SLC16A10: variants seen among roughly 807,000 people sequenced by gnomAD.
SLC16A10 encodes monocarboxylate transporter 10.
In SLC16A10, 27 loss-of-function variants were observed where a neutral mutation model predicts 40.0. The observed-to-expected ratio is 0.67, with a 90% CI of 0.50 to 0.93. The LOEUF (loss-of-function observed/expected upper bound fraction) is 0.93. Ranked by LOEUF, SLC16A10 falls within the 40% of genes least tolerant of loss-of-function variation. SLC16A10 has a pLI of 0.00. For synonymous variants in SLC16A10, 213 were observed against 249.8 expected (o/e 0.85, Z 1.39); for missense variants, 529 against 658.2 (o/e 0.80, Z 2.15).
chr6:111,163,384 C>T (rs1316909903), intron 1 of SLC16A10, among the ~76,000 whole-genome samples: 1 of 151,738 alleles, frequency 6.6e-6, no homozygotes, highest in Non-Finnish European at 1.5e-5. Context: ...GATCTCCTGA[C>T]CTCGTGATCC....
At chr6:111,119,190 T>C (rs1016726815) in intron 1 of SLC16A10, among the ~76,000 whole-genome samples, 2 of 152,360 alleles carry the variant, frequency 1.3e-5, no homozygotes, top group East Asian at 1.9e-4. Context: ...ATAAATAGTA[T>C]TGCTTTTTAA....
At chr6:111,195,746 C>T (rs945003438) in intron 3 of SLC16A10, among the ~76,000 whole-genome samples, 4 of 152,074 alleles carry the variant, frequency 2.6e-5, no homozygotes, top group Non-Finnish European at 1.5e-5. Flanking sequence ...ATTTCTTTCC[C>T]TACCATGCCA....
chr6:111,106,781 G>C (rs1277130748), intron 1 of SLC16A10, among the ~76,000 whole-genome samples: 2 of 152,152 alleles, frequency 1.3e-5, no homozygotes, highest in Non-Finnish European at 2.9e-5. Flanking sequence ...TGATCATTCT[G>C]TAACTCTGGA....
intron 1 of SLC16A10, among the ~76,000 whole-genome samples, chr6:111,132,833 A>G (rs945218806): frequency 1.3e-5 from 2 of 152,204 alleles, no homozygotes; most frequent in African/African-American, 4.8e-5. Flanking sequence ...CACAATGGGT[A>G]TTTAGTAATT....
At chr6:111,101,490 T>C (rs1039721126) in intron 1 of SLC16A10, among the ~76,000 whole-genome samples, 6 of 152,158 alleles carry the variant, frequency 3.9e-5, no homozygotes, top group Non-Finnish European at 8.8e-5. Context: ...GCAAAATGTA[T>C]GGATAAGTGA....
intron 1 of SLC16A10, among the ~76,000 whole-genome samples, chr6:111,172,130 A>G (rs1045339374): frequency 1.3e-5 from 2 of 152,162 alleles, no homozygotes; most frequent in African/African-American, 4.8e-5. Flanking sequence ...TGTTTGATCC[A>G]TTTTCAAGAT....
Position 111,108,328 on chromosome 6 carries a change from A to C in SLC16A10, c.343+20233A>C, listed in dbSNP as rs568240859. The stretch of plus-strand genomic sequence containing the variant: ...AGCCACTGTGCCTGGCCTATCTTAC[A>C]GTCTTGATTTGGCTTTATCTGACTT... On this transcript the variant is annotated intron_variant, in intron 1 of 5. Transcript: ENST00000368851. Among the ~76,000 whole-genome samples, 61 of 152,228 alleles carry C rather than the reference A, an allele frequency of 4.0e-4. 1 individual carries two copies. The highest frequency in any genetic ancestry group is 1.4e-3 in the African/African-American group (58 of 41,554).
intron 1 of SLC16A10, among the ~76,000 whole-genome samples, chr6:111,144,140 A>G (rs1327394915): frequency 3.3e-5 from 5 of 152,036 alleles, no homozygotes; most frequent in Non-Finnish European, 2.9e-5. Flanking sequence ...TGAATCCAAA[A>G]CTGCTCTTAA....
intron 1 of SLC16A10, among the ~76,000 whole-genome samples, chr6:111,089,878 T>TTAAGTAGA (rs1442151607): frequency 6.7e-6 from 1 of 150,322 alleles, no homozygotes; most frequent in Non-Finnish European, 1.5e-5. Flanking sequence ...GCAAATTCAG[T>TTAAGTAGA]TAAGTAGATC....
At chr6:111,095,667 C>T (rs1025735182) in intron 1 of SLC16A10, among the ~76,000 whole-genome samples, 5 of 152,110 alleles carry the variant, frequency 3.3e-5, no homozygotes, top group African/African-American at 1.2e-4. Context: ...GTAATTGAAT[C>T]ATGGGGGCAG....
chr6:111,156,648 C>T (rs2114521844), intron 1 of SLC16A10, among the ~76,000 whole-genome samples: 1 of 152,038 alleles, frequency 6.6e-6, no homozygotes, highest in South Asian at 2.1e-4. Flanking sequence ...CAAGAGGAGA[C>T]TAAGGAGATA....
chr6:111,139,032 A>G (rs989401838), intron 1 of SLC16A10, among the ~76,000 whole-genome samples: 1 of 148,964 alleles, frequency 6.7e-6, no homozygotes, highest in Admixed American at 6.7e-5. Flanking sequence ...ACCTTCTGAG[A>G]TACTTTTCCC....
intron 3 of SLC16A10, among the ~76,000 whole-genome samples, chr6:111,192,153 A>G (rs1284174945): frequency 6.6e-6 from 1 of 152,088 alleles, no homozygotes; most frequent in Non-Finnish European, 1.5e-5. Flanking sequence ...GTTCTGTTGC[A>G]TCGTCAGGCT....
At chr6:111,161,072 A>T (rs1257186420) in intron 1 of SLC16A10, among the ~76,000 whole-genome samples, 1 of 151,766 alleles carries the variant, frequency 6.6e-6, no homozygotes, top group Non-Finnish European at 1.5e-5. Context: ...AAAATACAAA[A>T]ATTAGCAGGG....
Position 111,206,706 on chromosome 6 carries a change from G to T in SLC16A10, c.1057G>T (p.Val353Leu). 6.2e-7 allele frequency: 1 copy of T among 1,614,188 alleles called. No homozygotes were observed. Among genetic ancestry groups the T allele is most frequent in the Non-Finnish European group, 8.5e-7 (1 of 1,180,036 alleles). The change falls in exon 4 of 6, where the codon GTG (valine) becomes TTG (leucine). Residue 353 changes from valine to leucine, a missense_variant. Transcript: ENST00000368851. ...RLLFGRIADY[V>L]PGVKKVYLQV... ...GCTCTTTGGCCGGATTGCAGATTAT[G>T]TGCCTGGTGTGAAGAAGGTTTATCT...
At chr6:111,111,304 A>G (rs1468956057) in intron 1 of SLC16A10, among the ~76,000 whole-genome samples, 1 of 152,230 alleles carries the variant, frequency 6.6e-6, no homozygotes, top group Non-Finnish European at 1.5e-5. Flanking sequence ...TATATGTCAT[A>G]CATAACATAT....
intron 1 of SLC16A10, among the ~76,000 whole-genome samples, chr6:111,138,222 A>T (rs922379929): frequency 5.2e-5 from 8 of 152,382 alleles, no homozygotes; most frequent in African/African-American, 1.9e-4. Context: ...AATTCAGAAA[A>T]GTTATTACTT....
chr6:111,107,500 TGAAGAG>T (rs1285303150), intron 1 of SLC16A10, among the ~76,000 whole-genome samples: 8 of 152,170 alleles, frequency 5.3e-5, no homozygotes, highest in Non-Finnish European at 1.0e-4. Context: ...GAGATGATGT[TGAAGAG>T]GAAGCCCACA....
chr6:111,139,135 A>G (rs555298474), intron 1 of SLC16A10, among the ~76,000 whole-genome samples: 1 of 147,402 alleles, frequency 6.8e-6, no homozygotes, highest in African/African-American at 2.5e-5. Context: ...TATATACAGA[A>G]TAGTACAAAA....
Sources: gnomAD v4.1 joint callset for allele counts (sites outside exome capture counted in the v4.1 genomes callset) on GRCh38, gnomAD v4.1.1 for gene constraint, MANE v1.5 for transcripts, NCBI Gene and HGNC (gene_info 2026-07-23, HGNC 2026-07-21) for gene names.